PDHX: variants seen among roughly 807,000 people sequenced by gnomAD.
PDHX encodes the protein pyruvate dehydrogenase protein X component, mitochondrial.
PDHX carries 33 observed loss-of-function variants against 55.3 expected under a neutral mutation model. That is an observed-to-expected ratio of 0.60 (90% CI 0.45 to 0.80). PDHX has a LOEUF of 0.80. Ranked by LOEUF, PDHX falls within the 30% of genes least tolerant of loss-of-function variation. PDHX has a pLI of 0.00. For missense variants in PDHX, 622 were observed against 619.9 expected, an observed-to-expected ratio of 1.00 and a Z score of -0.04; for synonymous variants, 226 against 219.4, an observed-to-expected ratio of 1.03 and a Z score of -0.27.
chr11:34,916,974 G>T (rs894312584), intron 1 of PDHX, among the ~76,000 whole-genome samples, 159 bp downstream of exon 1: 2 of 152,098 alleles, frequency 1.3e-5, no homozygotes, highest in African/African-American at 4.8e-5. Context: ...TTGGCCTAAT[G>T]CATGCTGTGA....
chr11:34,954,115 T>G (rs1854847621), intron 3 of PDHX, among the ~76,000 whole-genome samples: 1 of 152,232 alleles, frequency 6.6e-6, no homozygotes, highest in Non-Finnish European at 1.5e-5. Context: ...ATCATAGTGA[T>G]GAACCAGATA....
At chr11:34,978,863 AGAAG>A (rs1310255870) in intron 8 of PDHX, among the ~76,000 whole-genome samples, 1 of 152,150 alleles carries the variant, frequency 6.6e-6, no homozygotes, top group Admixed American at 6.6e-5. Context: ...ATTATGGGTG[AGAAG>A]GAAGCCTTTG....
chr11:34,952,486 TC>T (rs773185509), intron 3 of PDHX, among the ~76,000 whole-genome samples: 22 of 151,868 alleles, frequency 1.4e-4, no homozygotes, highest in Non-Finnish European at 2.5e-4. Flanking sequence ...AAAAAGCTTA[TC>T]CACCATGACC....
chr11:34,984,344 GA>G (rs767949093), intron 8 of PDHX, among the ~76,000 whole-genome samples: 1 of 152,268 alleles, frequency 6.6e-6, no homozygotes, highest in Non-Finnish European at 1.5e-5. Flanking sequence ...TACCTCATCA[GA>G]ATTTCTTCAA....
intron 4 of PDHX, 79 bp from the exon 5 acceptor site, chr11:34,960,341 G>A (rs777529877): frequency 2.9e-5 from 27 of 923,850 alleles, no homozygotes; most frequent in South Asian, 1.1e-4. Flanking sequence ...AATTATTTGC[G>A]AAACTGTTGA....
intron 2 of PDHX, among the ~76,000 whole-genome samples, chr11:34,932,759 A>C (rs2133947844): frequency 6.6e-6 from 1 of 152,348 alleles, no homozygotes; most frequent in East Asian, 1.9e-4. Flanking sequence ...GTGTTACACC[A>C]GCAAAAATAA....
chr11:34,967,735 C>T (rs1016761936), intron 6 of PDHX, among the ~76,000 whole-genome samples: 25 of 152,054 alleles, frequency 1.6e-4, no homozygotes, highest in African/African-American at 6.0e-4. Context: ...ATGTGTACTC[C>T]TAGTGGAGAA....
intron 4 of PDHX, among the ~76,000 whole-genome samples, chr11:34,957,973 T>C (rs1936797332): frequency 6.6e-6 from 1 of 152,190 alleles, no homozygotes; most frequent in African/African-American, 2.4e-5. Flanking sequence ...GTCTATCTGA[T>C]ATAAAATAGA....
intron 8 of PDHX, among the ~76,000 whole-genome samples, chr11:34,982,043 T>C (rs1237027217): frequency 6.6e-6 from 1 of 152,262 alleles, no homozygotes; most frequent in Admixed American, 6.5e-5. Context: ...TTGTTGCCAT[T>C]GCTTTTGGTG....
At chr11:34,917,950 G>A (rs185706261) in intron 1 of PDHX, among the ~76,000 whole-genome samples, 141 of 152,286 alleles carry the variant, frequency 9.3e-4, no homozygotes, top group African/African-American at 3.3e-3. Flanking sequence ...TGTTGGATGA[G>A]TTTTGATGTT....
chr11:34,992,818 A>G (rs1437332077), intron 10 of PDHX, among the ~76,000 whole-genome samples: 1 of 152,152 alleles, frequency 6.6e-6, no homozygotes, highest in Non-Finnish European at 1.5e-5. Context: ...GGTGCTATGA[A>G]CATTCTTATT....
chr11:34,978,035 A>C (rs2094249096), intron 7 of PDHX, 89 bp from the exon 8 acceptor site: 2 of 766,032 alleles, frequency 2.6e-6, no homozygotes, highest in Admixed American at 1.9e-5. Flanking sequence ...TTGTCAGTAC[A>C]TTCCATAATT....
chr11:34,960,522 T>C lies in PDHX; in HGVS notation c.641+4T>C, dbSNP rs2767035. 41,346 of 1,546,708 alleles carry C rather than the reference T, an allele frequency of 0.027. 3,244 individuals are homozygous for C. The East Asian group carries it at 0.34, about 13-fold the overall frequency. On this transcript the variant is annotated splice_donor_region_variant and intron_variant, in intron 5 of 10. Coordinates refer to ENST00000227868, the MANE Select transcript of PDHX (RefSeq NM_003477.3). Reference sequence around the variant, plus strand: ...CTCGGGGGATATTCACTAAAGAGTATGTGTTTGCTTTTTGTAATAACCAGT... The same window carrying C: ...CTCGGGGGATATTCACTAAAGAGTACGTGTTTGCTTTTTGTAATAACCAGT...
At chr11:34,930,035 A>G (rs1854118675) in intron 1 of PDHX, among the ~76,000 whole-genome samples, 1 of 152,242 alleles carries the variant, frequency 6.6e-6, no homozygotes, top group African/African-American at 2.4e-5. Context: ...GCAAACACGC[A>G]TATCCGAATT....
chr11:34,921,517 T>C (rs1274867829), intron 1 of PDHX, among the ~76,000 whole-genome samples: 2 of 152,232 alleles, frequency 1.3e-5, no homozygotes, highest in African/African-American at 4.8e-5. Context: ...GATTTGGACA[T>C]TTTCTTTAAG....
At chr11:34,970,673 CA>C (rs1361256563) in intron 7 of PDHX, among the ~76,000 whole-genome samples, 1 of 152,160 alleles carries the variant, frequency 6.6e-6, no homozygotes, top group East Asian at 1.9e-4. Flanking sequence ...AACCCAAAAC[CA>C]AAACTTCAAA....
chr11:34,917,631 T>C (rs1377372082), intron 1 of PDHX, among the ~76,000 whole-genome samples: 1 of 152,132 alleles, frequency 6.6e-6, no homozygotes, highest in Non-Finnish European at 1.5e-5. Context: ...AGAATGAATT[T>C]TAATTTAAAT....
At chr11:34,974,226 T>G (rs1464685721) in intron 7 of PDHX, among the ~76,000 whole-genome samples, 1 of 152,230 alleles carries the variant, frequency 6.6e-6, no homozygotes, top group Non-Finnish European at 1.5e-5. Context: ...CCTATAAATT[T>G]GATGATTCTA....
chr11:34,949,285 G>T (rs187885940), intron 3 of PDHX, among the ~76,000 whole-genome samples: 456 of 133,690 alleles, frequency 3.4e-3, no homozygotes, highest in African/African-American at 0.015. Flanking sequence ...TTTTGCTCTT[G>T]TTGCCCAGGC....
Sources: gnomAD v4.1 joint callset for allele counts (sites outside exome capture counted in the v4.1 genomes callset) on GRCh38, gnomAD v4.1.1 for gene constraint, MANE v1.5 for transcripts, NCBI Gene and HGNC (gene_info 2026-07-23, HGNC 2026-07-21) for gene names.